Variants in PRMT8 observed in about 807,000 individuals in gnomAD.
PRMT8 encodes protein arginine methyltransferase 8.
In PRMT8, 7 loss-of-function variants were observed where a neutral mutation model predicts 47.1. The ratio of observed to expected loss-of-function variants is 0.15; its 90% CI spans 0.08 to 0.28. PRMT8 has a LOEUF of 0.28. Ranked by LOEUF, PRMT8 falls within the 10% of genes least tolerant of loss-of-function variation. The pLI is 1.00. For missense variants in PRMT8, 237 were observed against 505.4 expected (o/e 0.47, Z 5.09); for synonymous variants, 188 against 186.5 (o/e 1.01, Z -0.07).
intron 4 of PRMT8, among the ~76,000 whole-genome samples, chr12:3,559,899 G>C (rs1866602295): frequency 6.6e-6 from 1 of 152,176 alleles, no homozygotes; most frequent in African/African-American, 2.4e-5. Flanking sequence ...AATCGTTTAT[G>C]CTCTGGGTTT....
intron 1 of PRMT8, among the ~76,000 whole-genome samples, chr12:3,522,401 C>T (rs951860909): frequency 6.6e-6 from 1 of 152,112 alleles, no homozygotes; most frequent in Non-Finnish European, 1.5e-5. Context: ...CGCGGTGGCT[C>T]ACACCTGTAA....
chr12:3,381,354 T>G (rs1864089743), exon 1 of PRMT8: 6 of 1,530,724 alleles, frequency 3.9e-6, no homozygotes, highest in Non-Finnish European at 5.3e-6. Flanking sequence ...GCCTGATTTC[T>G]GCACCAGGGA....
rs1165333025 is a variant in PRMT8, at chr12:3,564,171, G to A, written c.482-4535G>A. On this transcript the variant is annotated intron_variant, in intron 4 of 9. Transcript: ENST00000382622. The surrounding 1 kb of genome is among the most constrained non-coding windows in gnomAD (Gnocchi z 4.0). ...AGGACCAAGGGAGTGGGGAGGGCGA[G>A]CGAAGGGCTTTGCTGCAGTGGGGTT... Among the ~76,000 whole-genome samples, 1 of 152,160 alleles carries A rather than the reference G, an allele frequency of 6.6e-6. No individual in the cohort carries two copies. Among genetic ancestry groups the A allele is most frequent in the African/African-American group, 2.4e-5 (1 of 41,428 alleles).
chr12:3,558,842 G>A (rs1316600976), intron 4 of PRMT8, among the ~76,000 whole-genome samples: 1 of 152,138 alleles, frequency 6.6e-6, no homozygotes, highest in Non-Finnish European at 1.5e-5. Context: ...GCCAGCCTTC[G>A]CCATGGGAAA....
chr12:3,417,943 C>T (rs1864500713), intron 1 of PRMT8, among the ~76,000 whole-genome samples: 1 of 152,138 alleles, frequency 6.6e-6, no homozygotes, highest in East Asian at 1.9e-4. Context: ...GAACTTGGGG[C>T]CAGCTATTTA....
chr12:3,430,029 A>G (rs2137067477), intron 1 of PRMT8, among the ~76,000 whole-genome samples: 1 of 152,366 alleles, frequency 6.6e-6, no homozygotes, highest in Non-Finnish European at 1.5e-5. Context: ...GTAGAAGGAA[A>G]GGGCTTTATT....
intron 6 of PRMT8, among the ~76,000 whole-genome samples, chr12:3,575,077 C>T (rs1366435135): frequency 1.3e-5 from 2 of 152,204 alleles, no homozygotes; most frequent in Non-Finnish European, 2.9e-5. Flanking sequence ...TGGCACCAGC[C>T]TCGGGTGATT....
chr12:3,560,876 C>G lies in PRMT8; in HGVS notation c.481+7162C>G, dbSNP rs180767614. Among the ~76,000 whole-genome samples, 21 of 152,290 alleles carry G rather than the reference C, an allele frequency of 1.4e-4. No homozygotes were observed. The East Asian group carries it at 3.7e-3, about 27-fold the overall frequency. On this transcript the variant is annotated intron_variant, in intron 4 of 9. Coordinates refer to ENST00000382622, the MANE Select transcript of PRMT8 (RefSeq NM_019854.5). ...TTAGAGGAGATAGGCCAGTGCACAGCTCGTAAGGTTATTAGGGGCTCAGAG... is the reference window on the plus strand; with the variant it reads ...TTAGAGGAGATAGGCCAGTGCACAGGTCGTAAGGTTATTAGGGGCTCAGAG...
intron 1 of PRMT8, among the ~76,000 whole-genome samples, chr12:3,384,969 C>G (rs902804742): frequency 7.6e-6 from 1 of 130,922 alleles, no homozygotes; most frequent in East Asian, 2.4e-4. Context: ...GGGGCGGGGG[C>G]TGGCAATAAC....
At chr12:3,410,855 A>C (rs1038029445) in intron 1 of PRMT8, among the ~76,000 whole-genome samples, 1 of 152,218 alleles carries the variant, frequency 6.6e-6, no homozygotes, top group African/African-American at 2.4e-5. Context: ...TTGGTCTGCC[A>C]TAGCAATCCT....
chr12:3,490,442 C>G (rs1382228767), upstream of PRMT8, among the ~76,000 whole-genome samples: 1 of 151,888 alleles, frequency 6.6e-6, no homozygotes, highest in Non-Finnish European at 1.5e-5. Flanking sequence ...GTGACATCCT[C>G]CCTCTCTCCC....
upstream of PRMT8, among the ~76,000 whole-genome samples, chr12:3,490,718 A>AGAGAGAGAGAGG (rs1865378248): frequency 1.4e-5 from 2 of 143,312 alleles, no homozygotes; most frequent in African/African-American, 5.3e-5. Context: ...AGAGAGAGAG[A>AGAGAGAGAGAGG]GAAAAGGATA....
At chr12:3,384,645 T>C (rs1864123416) in intron 1 of PRMT8, among the ~76,000 whole-genome samples, 1 of 152,134 alleles carries the variant, frequency 6.6e-6, no homozygotes, top group Non-Finnish European at 1.5e-5. Context: ...TTCTCCTTTT[T>C]TTTAATCACA....
intron 1 of PRMT8, among the ~76,000 whole-genome samples, chr12:3,509,004 T>G (rs779074723): frequency 2.6e-4 from 40 of 152,244 alleles, no homozygotes; most frequent in Non-Finnish European, 4.1e-4. Context: ...CCAGGCCCAC[T>G]GTGGCCGTCC....
intron 1 of PRMT8, among the ~76,000 whole-genome samples, chr12:3,495,030 C>G (rs958133258): frequency 6.6e-6 from 1 of 152,192 alleles, no homozygotes; most frequent in African/African-American, 2.4e-5. Context: ...TCTTCTCCCT[C>G]TCCCCTGTTC....
chr12:3,406,285 C>T lies in PRMT8; in HGVS notation c.48+24843C>T, dbSNP rs530147293. ...TTGGCCCACAAAACCATTTTTCCCT[C>T]CTTGGCCTCTTGGCCTGTGATGGGA... On this transcript the variant is annotated intron_variant, in intron 1 of 9. Coordinates refer to the PRMT8 transcript ENST00000452611. Among the ~76,000 whole-genome samples the T allele has an allele frequency of 2.0e-5, 3 of 152,352 alleles. No homozygotes were observed. The South Asian group carries it at 6.2e-4, about 32-fold the overall frequency.
chr12:3,491,006 G>A (rs1865385456), upstream of PRMT8, among the ~76,000 whole-genome samples: 1 of 152,106 alleles, frequency 6.6e-6, no homozygotes, highest in Non-Finnish European at 1.5e-5. Context: ...CCCCGCGCGG[G>A]CCTGGCCTCC....
rs750395262 is a variant in PRMT8, at chr12:3,381,415, T to G, written c.21T>G (p.Asp7Glu). ...GTTGAATGGAGTCTCTGGCTTCAGA[T>G]GGATTCAAGCTGAAAGAGGTTTCTT... Residue 7 changes from aspartate to glutamate, a missense_variant, in exon 1 of 10, where the codon GAT becomes GAG. Coordinates refer to the PRMT8 transcript ENST00000452611. The G allele has an allele frequency of 2.6e-6, 4 of 1,536,148 alleles. No homozygotes were observed. In the South Asian group the frequency reaches 3.6e-5, roughly 14 times the overall value.
chr12:3,481,573 G>A (rs1232410137), intron 1 of PRMT8, among the ~76,000 whole-genome samples: 1 of 152,112 alleles, frequency 6.6e-6, no homozygotes, highest in Non-Finnish European at 1.5e-5. Flanking sequence ...CATAGCCCTC[G>A]ACCACCTCAT....
Sources: allele counts gnomAD v4.1 joint callset (sites outside exome capture counted in the v4.1 genomes callset), GRCh38; gene constraint gnomAD v4.1.1; non-coding constraint Gnocchi (gnomAD v3.1); transcripts MANE v1.5; gene names NCBI Gene and HGNC (gene_info 2026-07-23, HGNC 2026-07-21).